CNNM4: variants seen among roughly 807,000 people sequenced by gnomAD.
CNNM4 encodes the protein cyclin and CBS domain divalent metal cation transport mediator 4.
A neutral mutation model predicts 53.7 loss-of-function variants in CNNM4; 32 were observed. The observed-to-expected ratio is 0.60, with a 90% CI of 0.45 to 0.80. The LOEUF (loss-of-function observed/expected upper bound fraction) is 0.80. Among genes scored for constraint, CNNM4 ranks in the 30% least tolerant of loss-of-function variants. The pLI is 0.00. For synonymous variants in CNNM4, 410 were observed against 440.0 expected (o/e 0.93, Z 0.85); for missense variants, 784 against 1,022.0 (o/e 0.77, Z 3.17).
intron 1 of CNNM4, among the ~76,000 whole-genome samples, chr2:96,769,200 G>A (rs1017590920): frequency 1.3e-5 from 2 of 151,828 alleles, no homozygotes; most frequent in African/African-American, 4.8e-5. Flanking sequence ...GCAGTGAGCC[G>A]AGATCGCGCC....
chr2:96,768,902 G>A (rs1410682276), intron 1 of CNNM4, among the ~76,000 whole-genome samples: 1 of 152,216 alleles, frequency 6.6e-6, no homozygotes, highest in African/African-American at 2.4e-5. Flanking sequence ...GCATGCAGGG[G>A]AAAATGCCCA....
intron 1 of CNNM4, among the ~76,000 whole-genome samples, chr2:96,780,122 G>A (rs1231021168): frequency 2.6e-5 from 4 of 151,934 alleles, no homozygotes; most frequent in African/African-American, 4.8e-5. Context: ...TTATAGTAGT[G>A]AATCTTCCAA....
intron 1 of CNNM4, among the ~76,000 whole-genome samples, chr2:96,787,170 C>T (rs2079023376): frequency 6.6e-6 from 1 of 152,200 alleles, no homozygotes; most frequent in African/African-American, 2.4e-5. Context: ...ATTAAGGTCA[C>T]TTCCTAGGGT....
Position 96,801,151 on chromosome 2 carries a change from G to GAGGGTCAC in CNNM4, c.1948+1504_1948+1511dup. The GAGGGTCAC allele has an allele frequency of 9.1e-6, 9 of 983,832 alleles. No homozygotes were observed. Among genetic ancestry groups the GAGGGTCAC allele is most frequent in the Non-Finnish European group, 1.1e-5 (9 of 828,452 alleles). 60.9% of individuals were successfully genotyped at this position (983,832 alleles called of 1,614,324 possible). A position where few individuals can be genotyped will look rare whatever the true frequency, so the allele number is the denominator to read the frequency against. ...GGCTCACAGGTAACGTGGCACAGCT[G>GAGGGTCAC]AGGGTCACGCTGCCACCTGCTGCCT... On this transcript the variant is annotated intron_variant, in intron 5 of 6. Transcript: ENST00000377075. The surrounding 1 kb of genome is among the most constrained non-coding windows in gnomAD (Gnocchi z 5.6).
intron 1 of CNNM4, among the ~76,000 whole-genome samples, chr2:96,764,942 G>A (rs1369398923): frequency 1.4e-5 from 2 of 139,766 alleles, no homozygotes; most frequent in East Asian, 2.5e-4. Flanking sequence ...AGCCCAGATC[G>A]CACCACTGCA....
At chr2:96,785,837 C>A (rs1202836549) in intron 1 of CNNM4, among the ~76,000 whole-genome samples, 1 of 150,806 alleles carries the variant, frequency 6.6e-6, no homozygotes, top group African/African-American at 2.4e-5. Flanking sequence ...CGCAGTGGCT[C>A]ACGCACTTTG....
chr2:96,764,086 TG>T (rs2078791230), intron 1 of CNNM4, among the ~76,000 whole-genome samples: 1 of 152,054 alleles, frequency 6.6e-6, no homozygotes, highest in Non-Finnish European at 1.5e-5. Flanking sequence ...CTGTGGTGTT[TG>T]GGACTATGGT....
intron 6 of CNNM4, among the ~76,000 whole-genome samples, chr2:96,809,034 G>A (rs1213368952): frequency 1.3e-5 from 2 of 151,172 alleles, no homozygotes; most frequent in African/African-American, 2.4e-5. Context: ...TAGAGATGGG[G>A]TCTCACTGTG....
intron 1 of CNNM4, among the ~76,000 whole-genome samples, chr2:96,786,641 T>C (rs1417040039): frequency 4.0e-5 from 6 of 151,684 alleles, no homozygotes; most frequent in Non-Finnish European, 7.4e-5. Flanking sequence ...TAGCTCAGCG[T>C]GGTGGCAGGC....
intron 5 of CNNM4, among the ~76,000 whole-genome samples, chr2:96,806,527 ACACACACACG>A (rs1245423124): frequency 7.0e-6 from 1 of 142,212 alleles, no homozygotes; most frequent in Non-Finnish European, 1.5e-5. Context: ...ACACACACAC[ACACACACACG>A]CGCGCGCGCG....
At chr2:96,763,659 A>T (rs1203961066) in intron 1 of CNNM4, among the ~76,000 whole-genome samples, 2 of 152,084 alleles carry the variant, frequency 1.3e-5, no homozygotes, top group Non-Finnish European at 2.9e-5. Flanking sequence ...TTGGAGTGGG[A>T]TAGGGAGGAG....
chr2:96,790,733 A>G (rs2079055272), intron 1 of CNNM4, among the ~76,000 whole-genome samples: 1 of 145,130 alleles, frequency 6.9e-6, no homozygotes, highest in African/African-American at 2.6e-5. Context: ...TAATCCCAGC[A>G]CTTTGGGAGG....
At chr2:96,805,445 T>TA (rs140662835) in intron 5 of CNNM4, among the ~76,000 whole-genome samples, 9,537 of 140,352 alleles carry the variant, frequency 0.068, 1,151 homozygotes, top group African/African-American at 0.26. Context: ...TTTTTATTAT[T>TA]TTTTTTTAAA....
At chr2:96,786,486 G>C (rs2079017472) in intron 1 of CNNM4, among the ~76,000 whole-genome samples, 1 of 150,586 alleles carries the variant, frequency 6.6e-6, no homozygotes, top group Non-Finnish European at 1.5e-5. Context: ...ATTAAGAAAT[G>C]AAAGTCACAT....
chr2:96,780,040 T>C (rs1023645679), intron 1 of CNNM4, among the ~76,000 whole-genome samples: 35 of 152,136 alleles, frequency 2.3e-4, no homozygotes, highest in African/African-American at 8.4e-4. Flanking sequence ...GACCTTGTAA[T>C]CTGCCCGTCT....
intron 1 of CNNM4, among the ~76,000 whole-genome samples, chr2:96,785,568 C>T (rs902278934): frequency 1.3e-5 from 2 of 152,028 alleles, no homozygotes; most frequent in Non-Finnish European, 2.9e-5. Flanking sequence ...GAGGCCGAGG[C>T]TACAGTGAGC....
Position 96,797,019 on chromosome 2 carries a change from C to A in CNNM4, c.1410C>A (p.Ser470=). 1 of 1,613,048 alleles carries A rather than the reference C, an allele frequency of 6.2e-7. No homozygotes were observed. Among genetic ancestry groups the A allele is most frequent in the Non-Finnish European group, 8.5e-7 (1 of 1,179,970 alleles). Reference sequence around the variant, plus strand: ...TGCTGCATTGTCCCACAGGGAAGTCCCACCTGGCCATCGTGCAGAAGGTAA... The same window carrying A: ...TGCTGCATTGTCCCACAGGGAAGTCACACCTGGCCATCGTGCAGAAGGTAA... The part of the protein sequence containing the change: ...AMLEEFKKGK[S]HLAIVQKVNN... The change falls in exon 2 of 7, where the codon TCC becomes TCA. Residue 470 remains serine (S), a synonymous_variant. Transcript: ENST00000377075. This position sits in a 1 kb window ranked among gnomAD's most constrained non-coding sequence, Gnocchi z 6.0.
chr2:96,796,733 C>G (rs904346411), intron 1 of CNNM4, among the ~76,000 whole-genome samples: 1 of 152,160 alleles, frequency 6.6e-6, no homozygotes, highest in Non-Finnish European at 1.5e-5. Context: ...TGCACTCCAG[C>G]CTGGGTAACA....
intron 3 of CNNM4, chr2:96,798,187 T>G: frequency 4.9e-6 from 1 of 204,214 alleles, no homozygotes; most frequent in Non-Finnish European, 1.0e-5. Context: ...AAGTTGTGAA[T>G]GCACCACTGC....
Sources: allele counts gnomAD v4.1 joint callset (sites outside exome capture counted in the v4.1 genomes callset), GRCh38; gene constraint gnomAD v4.1.1; non-coding constraint Gnocchi (gnomAD v3.1); transcripts MANE v1.5; gene names NCBI Gene and HGNC (gene_info 2026-07-23, HGNC 2026-07-21).